Variants in TMPRSS11A observed in about 807,000 individuals in gnomAD.
TMPRSS11A encodes the protein transmembrane protease serine 11A.
TMPRSS11A carries 53 observed loss-of-function variants against 58.9 expected under a neutral mutation model. That is an observed-to-expected ratio of 0.90 (90% CI 0.72 to 1.13). The LOEUF (loss-of-function observed/expected upper bound fraction) is 1.13, where lower values mean the gene tolerates loss of function less well. Among genes scored for constraint, TMPRSS11A ranks in the 50% most tolerant of loss-of-function variants. The probability of loss-of-function intolerance (pLI) is 0.00; values close to 1 mark genes in which losing one functional copy is unlikely to be tolerated. For missense variants in TMPRSS11A, 493 were observed against 499.3 expected (o/e 0.99, Z 0.12); for synonymous variants, 167 against 169.8 (o/e 0.98, Z 0.13).
Position 67,929,824 on chromosome 4 carries a change from G to A in TMPRSS11A, c.481+56C>T, listed in dbSNP as rs1174708183. The A allele has an allele frequency of 8.0e-6, 11 of 1,375,274 alleles. 1 individual carries two copies. The highest frequency in any genetic ancestry group is 2.3e-5 in the Admixed American group (1 of 44,216). 85.2% of individuals were successfully genotyped at this position (1,375,274 alleles called of 1,614,324 possible). On this transcript the variant is annotated intron_variant, in intron 5 of 9. Transcript: ENST00000508048. The stretch of plus-strand genomic sequence containing the variant: ...ATAATGACAAATAAATTTGAGATTC[G>A]TCAAAACATGGACCTAATAGACAAC...
chr4:67,911,535 A>C (rs745493706), intron 9 of TMPRSS11A, 32 bp from the exon 10 acceptor site: 1 of 1,565,980 alleles, frequency 6.4e-7, no homozygotes, highest in Non-Finnish European at 8.7e-7. Flanking sequence ...AAAAGAAAGA[A>C]AATTAGCTAA....
intron 1 of TMPRSS11A, among the ~76,000 whole-genome samples, chr4:67,949,071 A>G (rs552213812): frequency 6.6e-6 from 1 of 152,204 alleles, no homozygotes; most frequent in Admixed American, 6.6e-5. Context: ...TGTGTCTTCA[A>G]GTCATTTGAA....
At chr4:67,961,409 A>G (rs1721415229) in intron 1 of TMPRSS11A, among the ~76,000 whole-genome samples, 1 of 151,556 alleles carries the variant, frequency 6.6e-6, no homozygotes, top group African/African-American at 2.4e-5. Flanking sequence ...TAAAGAAACC[A>G]TAACCATTCA....
intron 1 of TMPRSS11A, among the ~76,000 whole-genome samples, chr4:67,947,949 C>T (rs151061973): frequency 2.0e-5 from 3 of 152,024 alleles, no homozygotes; most frequent in Non-Finnish European, 4.4e-5. Flanking sequence ...GGGCCCAGGT[C>T]GACTAACTCC....
chr4:67,952,624 G>T (rs903848711), intron 1 of TMPRSS11A, among the ~76,000 whole-genome samples: 5 of 152,158 alleles, frequency 3.3e-5, no homozygotes, highest in African/African-American at 1.2e-4. Context: ...TCATTGAAAG[G>T]AGGCCTGTGA....
chr4:67,935,248 C>T (rs1720722311), intron 3 of TMPRSS11A, among the ~76,000 whole-genome samples: 1 of 152,162 alleles, frequency 6.6e-6, no homozygotes, highest in South Asian at 2.1e-4. Context: ...ACCAACTTGC[C>T]TGGCTCCATC....
chr4:67,928,311 G>T (rs1358924936), intron 5 of TMPRSS11A, among the ~76,000 whole-genome samples: 3 of 152,220 alleles, frequency 2.0e-5, no homozygotes, highest in African/African-American at 7.2e-5. Context: ...CTCCCAAAGT[G>T]CTGGAATTAT....
chr4:67,911,283 T>C lies in TMPRSS11A; in HGVS notation c.*59A>G. 1 of 1,510,858 alleles carries C rather than the reference T, an allele frequency of 6.6e-7. No individual in the cohort carries two copies. The highest frequency in any genetic ancestry group is 9.1e-7 in the Non-Finnish European group (1 of 1,101,052). The allele number at this position is 1,510,858 out of a possible 1,614,324, so 93.6% of individuals were successfully genotyped here. A position where few individuals can be genotyped will look rare whatever the true frequency, so the allele number is the denominator to read the frequency against. On this transcript the variant is annotated 3_prime_UTR_variant, in exon 10 of 10. Transcript: ENST00000508048. Reference sequence around the variant, plus strand: ...TGTTGTACTACACCCACTAAATAGTTGAATTCTCATGCATATATGACCTGC... The same window carrying C: ...TGTTGTACTACACCCACTAAATAGTCGAATTCTCATGCATATATGACCTGC...
intron 2 of TMPRSS11A, 101 bp from the exon 3 acceptor site, chr4:67,944,738 C>A (rs1386607740): frequency 5.6e-6 from 5 of 899,502 alleles, no homozygotes; most frequent in Non-Finnish European, 8.4e-6. Flanking sequence ...GTCCCTGAGC[C>A]TCTTCATAAT....
At chr4:67,958,908 A>T (rs7654210) in intron 1 of TMPRSS11A, among the ~76,000 whole-genome samples, 61,367 of 152,060 alleles carry the variant, frequency 0.4, 15,510 homozygotes, top group Non-Finnish European at 0.57. Context: ...AGTCTCACAA[A>T]ATCTGATGGT....
intron 9 of TMPRSS11A, among the ~76,000 whole-genome samples, chr4:67,913,072 G>A (rs1419238242): frequency 6.6e-6 from 1 of 152,020 alleles, no homozygotes. Context: ...TAAAAATTAT[G>A]ATTATATTAT....
chr4:67,923,913 T>C (rs1204403160), intron 6 of TMPRSS11A, among the ~76,000 whole-genome samples: 2 of 152,166 alleles, frequency 1.3e-5, no homozygotes, highest in Non-Finnish European at 2.9e-5. Flanking sequence ...TTTCTTCAAA[T>C]TGCCCCAGAA....
chr4:67,922,978 A>G, intron 6 of TMPRSS11A, 52 bp from the exon 7 acceptor site: 1 of 1,571,836 alleles, frequency 6.4e-7, no homozygotes, highest in Non-Finnish European at 8.7e-7. Context: ...TAATTACAGG[A>G]AATGACCCCA....
chr4:67,916,334 C>T (rs1299680381), intron 8 of TMPRSS11A, among the ~76,000 whole-genome samples: 1 of 151,834 alleles, frequency 6.6e-6, no homozygotes, highest in Non-Finnish European at 1.5e-5. Flanking sequence ...AAGACGATTT[C>T]CAAGATTTAT....
intron 9 of TMPRSS11A, among the ~76,000 whole-genome samples, chr4:67,914,137 A>G (rs1005910604): frequency 1.3e-5 from 2 of 152,194 alleles, no homozygotes; most frequent in African/African-American, 4.8e-5. Flanking sequence ...TGTCTTTTCT[A>G]TAACATTATT....
At chr4:67,915,286 A>G (rs1720117445) in intron 8 of TMPRSS11A, among the ~76,000 whole-genome samples, 1 of 152,170 alleles carries the variant, frequency 6.6e-6, no homozygotes, top group South Asian at 2.1e-4. Flanking sequence ...ACTGTAAGCT[A>G]GGTTCTGAGT....
chr4:67,941,352 G>A (rs759695697), intron 3 of TMPRSS11A, among the ~76,000 whole-genome samples: 1 of 152,082 alleles, frequency 6.6e-6, no homozygotes, highest in African/African-American at 2.4e-5. Flanking sequence ...GTGCGGGATG[G>A]GAGGAGAAAA....
chr4:67,930,782 T>G (rs556356970), intron 4 of TMPRSS11A, among the ~76,000 whole-genome samples: 1 of 132,324 alleles, frequency 7.6e-6, no homozygotes, highest in Admixed American at 7.9e-5. Flanking sequence ...ACCTTGAAAC[T>G]AATATATATT....
rs532202767 is a variant in TMPRSS11A at position 67,933,459 on chromosome 4, GTAA to G, written c.253-1402_253-1400del. On this transcript the variant is annotated intron_variant, in intron 3 of 9. Coordinates refer to ENST00000508048, the MANE Select transcript of TMPRSS11A (RefSeq NM_001114387.2). The stretch of plus-strand genomic sequence containing the variant: ...TTCGGTTTCTTTTGTAGAACACATA[GTAA>G]TAAGTTATCAAGTAATTTATTGACC... 1.6e-4 allele frequency among the ~76,000 whole-genome samples: 25 copies of G among 152,232 alleles called. No individual in the cohort carries two copies. In the East Asian group the frequency reaches 4.8e-3, roughly 29 times the overall value.
Sources: gnomAD v4.1 joint callset for allele counts (sites outside exome capture counted in the v4.1 genomes callset) on GRCh38, gnomAD v4.1.1 for gene constraint, MANE v1.5 for transcripts, NCBI Gene and HGNC (gene_info 2026-07-23, HGNC 2026-07-21) for gene names.